The following PTPRT variants were observed in gnomAD, a reference collection of about 807,000 sequenced individuals.
PTPRT encodes the protein protein tyrosine phosphatase receptor type T.
PTPRT carries 56 observed loss-of-function variants against 176.8 expected under a neutral mutation model. The observed-to-expected ratio is 0.32, with a 90% confidence interval of 0.26 to 0.40. The LOEUF (loss-of-function observed/expected upper bound fraction) is 0.40, where lower values mean the gene tolerates loss of function less well. Among genes scored for constraint, PTPRT ranks in the 10% least tolerant of loss-of-function variants. The pLI, the probability that PTPRT is intolerant of heterozygous loss-of-function variation, is 1.00. For synonymous variants in PTPRT, 783 were observed against 739.0 expected, an observed-to-expected ratio of 1.06 and a Z score of -0.96; for missense variants, 1,540 against 1,908.2, an observed-to-expected ratio of 0.81 and a Z score of 3.60.
intron 6 of PTPRT, among the ~76,000 whole-genome samples, chr20:42,702,663 G>C (rs1163425758): frequency 6.6e-6 from 1 of 152,148 alleles, no homozygotes; most frequent in East Asian, 1.9e-4. Context: ...GGAAAGTATT[G>C]TAAAGATCCA....
chr20:43,068,903 T>A (rs945956642), intron 1 of PTPRT, among the ~76,000 whole-genome samples: 1 of 152,102 alleles, frequency 6.6e-6, no homozygotes, highest in African/African-American at 2.4e-5. Flanking sequence ...GAAAACCTGA[T>A]GAAAGGTCAC....
At position 42,433,800 on chromosome 20, in the gene PTPRT, G is replaced by A. The variant is rs763742868; in HGVS notation, c.1560+14420C>T. On this transcript the variant is annotated intron_variant, in intron 9 of 30. Transcript: ENST00000373187. Reference sequence around the variant, plus strand: ...ACCACAGTTCTACAATCAATGGAACGCATGTGAATGCCACTGCCTGCTACT... The same window carrying A: ...ACCACAGTTCTACAATCAATGGAACACATGTGAATGCCACTGCCTGCTACT... Among the ~76,000 whole-genome samples, 73 of 152,290 alleles carry A rather than the reference G, an allele frequency of 4.8e-4. 1 individual carries two copies. The highest frequency in any genetic ancestry group is 1.8e-4 in the Non-Finnish European group (12 of 68,022).
intron 2 of PTPRT, among the ~76,000 whole-genome samples, chr20:42,841,766 T>C (rs1461391073): frequency 1.3e-5 from 2 of 152,204 alleles, no homozygotes; most frequent in Non-Finnish European, 2.9e-5. Flanking sequence ...ACAAGAGATA[T>C]ATCACACATG....
intron 16 of PTPRT, among the ~76,000 whole-genome samples, chr20:42,190,319 T>A (rs1466221043): frequency 6.6e-6 from 1 of 152,192 alleles, no homozygotes; most frequent in Non-Finnish European, 1.5e-5. Flanking sequence ...CTTAGATTGT[T>A]CACTGTTCAG....
chr20:42,324,140 T>C (rs2057846748), intron 11 of PTPRT, among the ~76,000 whole-genome samples: 1 of 152,202 alleles, frequency 6.6e-6, no homozygotes. Context: ...AATTGGTGAA[T>C]GGGTAAACAA....
At chr20:42,344,778 A>C (rs2145488905) in intron 11 of PTPRT, among the ~76,000 whole-genome samples, 1 of 152,064 alleles carries the variant, frequency 6.6e-6, no homozygotes, top group South Asian at 2.1e-4. Flanking sequence ...CAGAGTGAAG[A>C]CCTTCTTCAC....
rs529016795 is a variant in PTPRT, at chr20:42,771,303, G to A, written c.684+132C>T. The A allele has an allele frequency of 5.1e-5, 40 of 785,662 alleles. 1 individual carries two copies. The highest frequency in any genetic ancestry group is 2.3e-4 in the South Asian group (14 of 60,862). 48.7% of individuals were successfully genotyped at this position (785,662 alleles called of 1,614,324 possible). On this transcript the variant is annotated intron_variant, in intron 5 of 30. Coordinates refer to ENST00000373187, the MANE Select transcript of PTPRT (RefSeq NM_007050.6). ...CAGTTTGTAAGCAAGGGTGGGCTCC[G>A]GTGCTAGCTGTTGTCCCCCTCTGCA... is the stretch of plus-strand genomic sequence containing the variant.
At chr20:42,234,491 G>T (rs1354926558) in intron 15 of PTPRT, among the ~76,000 whole-genome samples, 1 of 152,144 alleles carries the variant, frequency 6.6e-6, no homozygotes. Context: ...CCTCTAATCA[G>T]AATTTTAATT....
chr20:42,730,878 G>A (rs1014385711), intron 6 of PTPRT, among the ~76,000 whole-genome samples: 4 of 152,120 alleles, frequency 2.6e-5, no homozygotes, highest in Non-Finnish European at 5.9e-5. Flanking sequence ...CTGATCCCTC[G>A]GTTGTAACTA....
chr20:42,984,618 T>G (rs1262161872), intron 1 of PTPRT, among the ~76,000 whole-genome samples: 2 of 152,230 alleles, frequency 1.3e-5, no homozygotes, highest in African/African-American at 4.8e-5. Context: ...GCACCTACTA[T>G]GGGCTGTCAT....
chr20:42,588,147 A>G (rs559330451), intron 7 of PTPRT, among the ~76,000 whole-genome samples: 15 of 152,268 alleles, frequency 9.9e-5, no homozygotes, highest in African/African-American at 3.4e-4. Flanking sequence ...TAAACAATTG[A>G]AATGTGGCTG....
intron 1 of PTPRT, among the ~76,000 whole-genome samples, chr20:43,082,932 T>C (rs1043080079): frequency 1.3e-5 from 2 of 152,156 alleles, no homozygotes; most frequent in Non-Finnish European, 2.9e-5. Context: ...ACCTGCTTCC[T>C]GCTGACCCAC....
At chr20:42,905,813 A>G (rs1286624308) in intron 1 of PTPRT, among the ~76,000 whole-genome samples, 1 of 151,946 alleles carries the variant, frequency 6.6e-6, no homozygotes, top group Non-Finnish European at 1.5e-5. Flanking sequence ...AAATTAACAC[A>G]GGAACAGAAA....
At chr20:42,998,714 T>A (rs986969685) in intron 1 of PTPRT, among the ~76,000 whole-genome samples, 7 of 152,200 alleles carry the variant, frequency 4.6e-5, no homozygotes, top group African/African-American at 1.7e-4. Context: ...CATTTCAGTC[T>A]TATTTAAGAA....
At position 42,885,838 on chromosome 20, in the gene PTPRT, C is replaced by T; in HGVS notation, c.183G>A (p.Glu61=). Residue 61 remains glutamate (E), a synonymous_variant, in exon 2 of 31, where the codon GAG becomes GAA. Transcript: ENST00000373187. The part of the protein sequence containing the change: ...GFTWEQINTW[E]KPMLDQAVPT... ...GCACTGCCTGGTCCAGCATTGGTTTCTCCCATGTGTTAATCTGCTCCCAGG... is the reference window on the plus strand; with the variant it reads ...GCACTGCCTGGTCCAGCATTGGTTTTTCCCATGTGTTAATCTGCTCCCAGG... 6.2e-7 allele frequency: 1 copy of T among 1,609,838 alleles called. No homozygotes were observed.
intron 1 of PTPRT, among the ~76,000 whole-genome samples, chr20:43,131,750 A>G (rs141406638): frequency 6.6e-6 from 1 of 152,356 alleles, no homozygotes; most frequent in Non-Finnish European, 1.5e-5. Flanking sequence ...AACATAAACA[A>G]AAATCCTAAT....
At chr20:42,554,226 T>C (rs962204779) in intron 7 of PTPRT, among the ~76,000 whole-genome samples, 1 of 152,124 alleles carries the variant, frequency 6.6e-6, no homozygotes. Context: ...TACTCCAATG[T>C]CTATAATACT....
chr20:42,344,310 G>A (rs371275920), intron 11 of PTPRT, among the ~76,000 whole-genome samples: 13 of 152,306 alleles, frequency 8.5e-5, no homozygotes, highest in Non-Finnish European at 1.3e-4. Context: ...AGCAACTTAC[G>A]GTTCAGAGAA....
At chr20:42,646,504 G>C (rs1177903067) in intron 7 of PTPRT, among the ~76,000 whole-genome samples, 6 of 152,086 alleles carry the variant, frequency 3.9e-5, no homozygotes, top group Non-Finnish European at 8.8e-5. Flanking sequence ...CCGAGCCCTA[G>C]AGCTGCACTT....
Sources: allele counts gnomAD v4.1 joint callset (sites outside exome capture counted in the v4.1 genomes callset), GRCh38; gene constraint gnomAD v4.1.1; transcripts MANE v1.5; gene names NCBI Gene and HGNC (gene_info 2026-07-23, HGNC 2026-07-21).